The following DNHD1 variants were observed in gnomAD, a reference collection of about 807,000 sequenced individuals.
The protein encoded by DNHD1 is dynein heavy chain domain 1.
DNHD1 carries 383 observed loss-of-function variants against 458.1 expected under a neutral mutation model. The observed-to-expected ratio is 0.84, with a 90% CI of 0.77 to 0.91. The LOEUF (loss-of-function observed/expected upper bound fraction) is 0.91, where lower values mean the gene tolerates loss of function less well. DNHD1 is among the 40% of genes least tolerant of loss of function. DNHD1 has a pLI of 0.00. For synonymous variants in DNHD1, 2,203 were observed against 2,376.9 expected, an observed-to-expected ratio of 0.93 and a Z score of 2.13; for missense variants, 5,336 against 5,866.1, an observed-to-expected ratio of 0.91 and a Z score of 2.95.
In DNHD1 at chr11:6,533,055, C is replaced by A. The variant is rs1310788054; in HGVS notation, c.2376C>A (p.Asp792Glu). The change falls in exon 13 of 43, where the codon GAC (aspartate) becomes GAA (glutamate). Residue 792 changes from aspartate (D) to glutamate (E), a missense_variant. By Grantham distance (45) the Asp-to-Glu change is conservative. Around this residue, in one of 4 missense-constraint regions of DNHD1, gnomAD observed 3,932 missense variants for 4,365.6 expected, o/e 0.90. Coordinates refer to ENST00000254579, the MANE Select transcript of DNHD1 (RefSeq NM_144666.3). ...CCAAGCTGAACAGCATAAGGAAGGA[C>A]ATTCTTGCACACGTGCAAAATGAGT... Reference protein sequence around the residue: ...MESKLNSIRKDILAHVQNECW... With the variant: ...MESKLNSIRKEILAHVQNECW... 1 of 1,551,560 alleles carries A rather than the reference C, an allele frequency of 6.4e-7. No homozygotes were observed. Among genetic ancestry groups the A allele is most frequent in the East Asian group, 2.4e-5 (1 of 40,928 alleles).
At chr11:6,558,353 A>G in intron 25 of DNHD1, 56 bp downstream of exon 25, 1 of 1,532,722 alleles carries the variant, frequency 6.5e-7, no homozygotes, top group Non-Finnish European at 8.8e-7. Flanking sequence ...GTCTTGGCCA[A>G]AAGGCCAAAA....
chr11:6,543,854 A>T (rs541209131), intron 18 of DNHD1, among the ~76,000 whole-genome samples: 1 of 148,106 alleles, frequency 6.8e-6, no homozygotes, highest in East Asian at 2.2e-4. Flanking sequence ...CCAGCTACTC[A>T]GGAGGCTGAG....
chr11:6,538,408 A>T lies in DNHD1; in HGVS notation c.3024A>T (p.Pro1008=), dbSNP rs1236781351. 1 of 1,551,526 alleles carries T rather than the reference A, an allele frequency of 6.4e-7. No individual in the cohort carries two copies. The highest frequency in any genetic ancestry group is 8.7e-7 in the Non-Finnish European group (1 of 1,146,984). ...AGGATGAGACTCCTGTGCCCTTGCCAATCTGTGGGACACGTCCTATTGTGC... is the reference window on the plus strand; with the variant it reads ...AGGATGAGACTCCTGTGCCCTTGCCTATCTGTGGGACACGTCCTATTGTGC... ...FTEDETPVPL[P]ICGTRPIVQQ... The change falls in exon 15 of 43, where the codon CCA becomes CCT. Residue 1008 remains proline (P), a synonymous_variant. Coordinates refer to ENST00000254579, the MANE Select transcript of DNHD1 (RefSeq NM_144666.3).
intron 20 of DNHD1, 29 bp from the exon 21 acceptor site, chr11:6,544,763 C>T (rs759476955): frequency 1.6e-4 from 246 of 1,543,518 alleles, no homozygotes; most frequent in Non-Finnish European, 2.0e-4. Context: ...TCATATTGGC[C>T]CTCACTTTTA....
intron 10 of DNHD1, among the ~76,000 whole-genome samples, chr11:6,523,488 G>A (rs970634439): frequency 2.4e-4 from 36 of 152,114 alleles, no homozygotes; most frequent in Admixed American, 2.2e-3. Flanking sequence ...GCTTTGCTCT[G>A]TGTGGAATGT....
rs1396318444 is a variant in DNHD1, at chr11:6,548,711, G to C, written c.7165G>C (p.Glu2389Gln). ...SGGQPVLLAG[E>Q]AATGKSAFVE... Reference sequence around the variant, plus strand: ...GGGACAGCCAGTGTTGCTGGCTGGAGAGGCAGCAACAGGGAAGTCAGCCTT... The same window carrying C: ...GGGACAGCCAGTGTTGCTGGCTGGACAGGCAGCAACAGGGAAGTCAGCCTT... The change falls in exon 24 of 43, where the codon GAG becomes CAG. Residue 2389 changes from glutamate to glutamine, a missense_variant. Physicochemically the swap from Glu to Gln is conservative, Grantham distance 29. Transcript: ENST00000254579. This position sits in a 1 kb window ranked among gnomAD's most constrained non-coding sequence, Gnocchi z 4.4. 6.4e-7 allele frequency: 1 copy of C among 1,551,642 alleles called. No individual in the cohort carries two copies. Among genetic ancestry groups the C allele is most frequent in the Non-Finnish European group, 8.7e-7 (1 of 1,146,970 alleles).
At position 6,498,876 on chromosome 11, in the gene DNHD1, G is replaced by T. The variant is rs761752956; in HGVS notation, c.661G>T (p.Ala221Ser). 3 of 1,614,134 alleles carry T rather than the reference G, an allele frequency of 1.9e-6. No individual in the cohort carries two copies. Among genetic ancestry groups the T allele is most frequent in the African/African-American group, 2.7e-5 (2 of 74,946 alleles). The change falls in exon 3 of 43, where the codon GCA (alanine) becomes TCA (serine). Residue 221 changes from alanine to serine, a missense_variant. Transcript: ENST00000254579. ...GGATGGACTTAGTCTCCTTCCCTTG[G>T]CACTGGCAGCGGACATCCCTGTACG... The part of the protein sequence containing the change: ...WLDGLSLLPL[A>S]LAADIPVRYE...
intron 4 of DNHD1, among the ~76,000 whole-genome samples, chr11:6,507,580 TAC>T (rs1373103809): frequency 2.0e-5 from 3 of 151,970 alleles, no homozygotes; most frequent in African/African-American, 7.3e-5. Context: ...ATGAGAAGAG[TAC>T]TGTATAACTC....
intron 24 of DNHD1, among the ~76,000 whole-genome samples, chr11:6,551,178 G>C (rs1352581416): frequency 6.6e-6 from 1 of 152,076 alleles, no homozygotes; most frequent in African/African-American, 2.4e-5. Context: ...TACAAATATT[G>C]ATAAGATGCC....
At chr11:6,553,071 T>A (rs1853396031) in intron 24 of DNHD1, among the ~76,000 whole-genome samples, 1 of 152,016 alleles carries the variant, frequency 6.6e-6, no homozygotes, top group South Asian at 2.1e-4. Flanking sequence ...AGAAATAAAC[T>A]GTTATCTTTC....
intron 7 of DNHD1, among the ~76,000 whole-genome samples, chr11:6,517,183 A>T (rs1368425954): frequency 1.3e-5 from 2 of 152,254 alleles, no homozygotes; most frequent in African/African-American, 4.8e-5. Flanking sequence ...AATATATTCA[A>T]GGTGTACAAT....
Position 6,548,106 on chromosome 11 carries a change from A to G in DNHD1, c.6905+66A>G. 6.5e-7 allele frequency: 1 copy of G among 1,547,818 alleles called. No individual in the cohort carries two copies. Among genetic ancestry groups the G allele is most frequent in the East Asian group, 2.4e-5 (1 of 40,862 alleles). On this transcript the variant is annotated intron_variant, in intron 22 of 42. Transcript: ENST00000254579. This position sits in a 1 kb window ranked among gnomAD's most constrained non-coding sequence, Gnocchi z 4.4. The stretch of plus-strand genomic sequence containing the variant: ...GATGGACTGGCCCATGGAAGTAAAA[A>G]CCCACATGACATCACTGTTAGGGTA...
At chr11:6,551,758 T>C (rs143973277) in intron 24 of DNHD1, among the ~76,000 whole-genome samples, 3,291 of 152,246 alleles carry the variant, frequency 0.022, 51 homozygotes, top group Middle Eastern at 0.048. Context: ...CTGGCCAACA[T>C]GGTGAAACCC....
chr11:6,534,278 C>T, intron 14 of DNHD1, 105 bp downstream of exon 14: 1 of 1,187,042 alleles, frequency 8.4e-7, no homozygotes, highest in East Asian at 2.6e-5. Flanking sequence ...CCCAAGCAAG[C>T]CTTGGGAATC....
In DNHD1 at chr11:6,544,439, T is replaced by G. The variant is rs2288281; in HGVS notation, c.3755-135T>G. ...GAAAGTTTTTTCTCCCTCAAGCAAG[T>G]TCCCTGAGTCCTGCTGGGCAGAGTA... is the stretch of plus-strand genomic sequence containing the variant. On this transcript the variant is annotated intron_variant, in intron 19 of 42. Transcript: ENST00000254579. 106,656 of 1,002,184 alleles carry G rather than the reference T, an allele frequency of 0.11. 5,937 individuals are homozygous for G. The highest frequency in any genetic ancestry group is 0.13 in the East Asian group (4,955 of 38,266). The allele number at this position is 1,002,184 out of a possible 1,614,324, so 62.1% of individuals were successfully genotyped here.
At chr11:6,551,308 A>G (rs1172070619) in intron 24 of DNHD1, among the ~76,000 whole-genome samples, 1 of 152,254 alleles carries the variant, frequency 6.6e-6, no homozygotes, top group Admixed American at 6.5e-5. Context: ...AACATATCAA[A>G]ATTTGTGAGA....
At chr11:6,521,259 C>T (rs568494107) in intron 10 of DNHD1, among the ~76,000 whole-genome samples, 1 of 152,326 alleles carries the variant, frequency 6.6e-6, no homozygotes, top group South Asian at 2.1e-4. Context: ...GATGTGCCTT[C>T]TTACTATTAT....
intron 36 of DNHD1, 86 bp downstream of exon 36, chr11:6,567,946 C>G (rs1214791169): frequency 3.4e-6 from 5 of 1,484,992 alleles, no homozygotes; most frequent in East Asian, 2.5e-5. Flanking sequence ...TTTCATGGAT[C>G]TTTCTGTACT....
Position 6,558,479 on chromosome 11 carries a change from C to T in DNHD1, c.9003-6C>T, listed in dbSNP as rs148764926. The T allele has an allele frequency of 4.5e-5, 70 of 1,551,502 alleles. No homozygotes were observed. In the East Asian group the frequency reaches 1.7e-3, roughly 37 times the overall value. The stretch of plus-strand genomic sequence containing the variant: ...GGGAGGACATTAGCTGAGCCCTGGC[C>T]CACAGGTTCCACCAGCAAGTGTGCA... On this transcript the variant is annotated splice_polypyrimidine_tract_variant and splice_region_variant and intron_variant, in intron 25 of 42. Transcript: ENST00000254579.
Sources: allele counts gnomAD v4.1 joint callset (sites outside exome capture counted in the v4.1 genomes callset), GRCh38; gene constraint gnomAD v4.1.1; regional missense constraint gnomAD v4.1.1; non-coding constraint Gnocchi (gnomAD v3.1); transcripts MANE v1.5; gene names NCBI Gene and HGNC (gene_info 2026-07-23, HGNC 2026-07-21).